TUSC3: variants seen among roughly 807,000 people sequenced by gnomAD.
The protein encoded by TUSC3 is dolichyl-diphosphooligosaccharide--protein glycosyltransferase subunit TUSC3.
Under a neutral mutation model 44.8 loss-of-function variants are expected in TUSC3, and 45 were observed. The observed-to-expected ratio is 1.00, with a 90% CI of 0.79 to 1.29. TUSC3 has a LOEUF of 1.29. Ranked by LOEUF, TUSC3 falls within the 50% of genes most tolerant of loss-of-function variation. The pLI, the probability that TUSC3 is intolerant of heterozygous loss-of-function variation, is 0.00. For missense variants in TUSC3, 519 were observed against 437.9 expected, an observed-to-expected ratio of 1.19 and a Z score of -1.65; for synonymous variants, 212 against 152.9, an observed-to-expected ratio of 1.39 and a Z score of -2.85.
intron 1 of TUSC3, among the ~76,000 whole-genome samples, chr8:15,426,403 T>G (rs910528042): frequency 1.3e-5 from 2 of 152,204 alleles, no homozygotes; most frequent in South Asian, 2.1e-4. Context: ...ATTCCCCAGT[T>G]TCCCCAAATC....
intron 4 of TUSC3, among the ~76,000 whole-genome samples, chr8:15,661,106 A>G (rs539355185): frequency 1.3e-5 from 2 of 152,088 alleles, no homozygotes; most frequent in South Asian, 2.1e-4. Context: ...ATGCAGACAC[A>G]TATGCACAAT....
At chr8:15,732,245 T>A (rs1207399990) in intron 7 of TUSC3, among the ~76,000 whole-genome samples, 2 of 152,112 alleles carry the variant, frequency 1.3e-5, no homozygotes, top group Non-Finnish European at 2.9e-5. Context: ...ATTGTAATAA[T>A]CCCCACTTGT....
chr8:15,810,796 G>A, the TUSC3 span, among the ~76,000 whole-genome samples: 971 of 152,266 alleles, frequency 6.4e-3, 9 homozygotes, highest in Non-Finnish European at 8.9e-3. Context: ...GAGAATCTCC[G>A]TTAAGGTCTT....
At chr8:15,622,959 C>T (rs1805319178) in intron 1 of TUSC3, 121 bp from the exon 2 acceptor site, 1 of 1,029,742 alleles carries the variant, frequency 9.7e-7, no homozygotes. Context: ...GGTCTTTTAT[C>T]TTTTCTATAA....
intron 6 of TUSC3, among the ~76,000 whole-genome samples, chr8:15,705,120 A>AT (rs79181386): frequency 6.7e-5 from 10 of 148,220 alleles, no homozygotes; most frequent in South Asian, 2.2e-4. Flanking sequence ...TGGGTGCATG[A>AT]TTTTTTTTTT....
intron 1 of TUSC3, among the ~76,000 whole-genome samples, chr8:15,595,370 A>C (rs1049015362): frequency 2.0e-5 from 3 of 151,876 alleles, no homozygotes; most frequent in African/African-American, 7.3e-5. Flanking sequence ...GGTTACCTGG[A>C]CTTTCCGCTC....
intron 2 of TUSC3, among the ~76,000 whole-genome samples, chr8:15,512,720 C>T (rs187077501): frequency 1.3e-5 from 2 of 151,822 alleles, no homozygotes; most frequent in East Asian, 1.9e-4. Context: ...TTGCAGTGAG[C>T]TGAGATTGCA....
chr8:15,520,492 A>T (rs1416636332), intron 2 of TUSC3, among the ~76,000 whole-genome samples: 1 of 152,224 alleles, frequency 6.6e-6, no homozygotes, highest in African/African-American at 2.4e-5. Flanking sequence ...TCTGTTATTT[A>T]AATGGCATTT....
chr8:15,432,261 G>C (rs1025304604), intron 1 of TUSC3, among the ~76,000 whole-genome samples: 2 of 152,050 alleles, frequency 1.3e-5, no homozygotes, highest in Non-Finnish European at 2.9e-5. Flanking sequence ...TTGTTGTTGA[G>C]AGGTTTTTGA....
intron 1 of TUSC3, among the ~76,000 whole-genome samples, chr8:15,608,309 G>A (rs376613438): frequency 3.1e-4 from 47 of 150,030 alleles, no homozygotes; most frequent in African/African-American, 1.1e-3. Flanking sequence ...GTTTTTTTTT[G>A]CTTGCTTTGT....
the TUSC3 span, among the ~76,000 whole-genome samples, chr8:15,847,478 A>T: frequency 1.3e-5 from 2 of 152,084 alleles, no homozygotes; most frequent in Admixed American, 6.6e-5. Context: ...ACTGTGCTTG[A>T]CTGGGCTCCT....
At chr8:15,418,746 C>A (rs1170295586) in intron 1 of TUSC3, among the ~76,000 whole-genome samples, 4 of 152,168 alleles carry the variant, frequency 2.6e-5, no homozygotes, top group Non-Finnish European at 5.9e-5. Context: ...TGGCTCATGC[C>A]TGTAACCTCA....
rs1801972999 is a variant in TUSC3 at position 15,549,276 on chromosome 8, T to G, written c.138+8708T>G. ...GCAACCCCTGCCTCCCGGATTCAAGTGATTCTCCTGCCTCAGCCACCTGAG... is the reference window on the plus strand; with the variant it reads ...GCAACCCCTGCCTCCCGGATTCAAGGGATTCTCCTGCCTCAGCCACCTGAG... On this transcript the variant is annotated intron_variant, in intron 1 of 10. Coordinates refer to ENST00000503731, the MANE Select transcript of TUSC3 (RefSeq NM_006765.4). Among the ~76,000 whole-genome samples the G allele has an allele frequency of 2.6e-5, 4 of 151,684 alleles. No individual in the cohort carries two copies. In the East Asian group the frequency reaches 7.8e-4, roughly 30 times the overall value.
At chr8:15,580,803 TG>T (rs1178936606) in intron 1 of TUSC3, among the ~76,000 whole-genome samples, 1 of 140,622 alleles carries the variant, frequency 7.1e-6, no homozygotes, top group Non-Finnish European at 1.5e-5. Flanking sequence ...GTCTTGGAGT[TG>T]CTCTTCTCGA....
chr8:15,535,677 T>A (rs1413927202), upstream of TUSC3, among the ~76,000 whole-genome samples: 29 of 152,224 alleles, frequency 1.9e-4, no homozygotes, highest in African/African-American at 6.7e-4. Flanking sequence ...CCCATGGAGT[T>A]TGCATCCTAA....
intron 10 of TUSC3, among the ~76,000 whole-genome samples, chr8:15,762,418 A>G (rs1456751873): frequency 6.6e-6 from 1 of 152,122 alleles, no homozygotes; most frequent in Non-Finnish European, 1.5e-5. Flanking sequence ...TAGCATAACT[A>G]AAGATAACAT....
intron 6 of TUSC3, among the ~76,000 whole-genome samples, chr8:15,723,050 C>T (rs1232938046): frequency 6.6e-6 from 1 of 152,086 alleles, no homozygotes; most frequent in African/African-American, 2.4e-5. Context: ...GCCTGAAAAT[C>T]TGTTTTTTAA....
chr8:15,736,701 A>T (rs965252557), intron 7 of TUSC3, among the ~76,000 whole-genome samples: 2 of 152,184 alleles, frequency 1.3e-5, no homozygotes, highest in Non-Finnish European at 2.9e-5. Context: ...GTATGATTTT[A>T]CTGTCCTAAC....
At chr8:15,757,895 T>G in intron 10 of TUSC3, 40 bp downstream of exon 10, 1 of 1,453,920 alleles carries the variant, frequency 6.9e-7, no homozygotes, top group Non-Finnish European at 9.7e-7. Flanking sequence ...GTTTTCCTCA[T>G]TTTTCAAATA....
Sources: allele counts gnomAD v4.1 joint callset (sites outside exome capture counted in the v4.1 genomes callset), GRCh38; gene constraint gnomAD v4.1.1; transcripts MANE v1.5; gene names NCBI Gene and HGNC (gene_info 2026-07-23, HGNC 2026-07-21).